Variants in RASSF8 observed in about 807,000 individuals in gnomAD.
The protein encoded by RASSF8 is ras association domain-containing protein 8.
Under a neutral mutation model 48.5 loss-of-function variants are expected in RASSF8, and 22 were observed. That is an observed-to-expected ratio of 0.45 (90% CI 0.32 to 0.65). RASSF8 has a LOEUF of 0.65. RASSF8 is among the 30% of genes least tolerant of loss of function. The pLI, the probability that RASSF8 is intolerant of heterozygous loss-of-function variation, is 0.03. For missense variants in RASSF8, 418 were observed against 489.2 expected, an observed-to-expected ratio of 0.85 and a Z score of 1.37; for synonymous variants, 127 against 171.5, an observed-to-expected ratio of 0.74 and a Z score of 2.03.
chr12:26,078,255 A>C (rs181977159), intron 5 of RASSF8, among the ~76,000 whole-genome samples: 1 of 152,248 alleles, frequency 6.6e-6, no homozygotes, highest in Non-Finnish European at 1.5e-5. Flanking sequence ...ATTAGAATTA[A>C]TGAGAAAAAT....
rs1053037727 is a variant in RASSF8 at position 26,070,439 on chromosome 12, C to G, written c.*1621C>G. The G allele has an allele frequency of 1.0e-6, 1 of 985,152 alleles. No homozygotes were observed. Among genetic ancestry groups the G allele is most frequent in the Admixed American group, 6.2e-5 (1 of 16,242 alleles). 61.0% of individuals were successfully genotyped at this position (985,152 alleles called of 1,614,324 possible). On this transcript the variant is annotated 3_prime_UTR_variant, in exon 6 of 6. Coordinates refer to ENST00000689635, the MANE Select transcript of RASSF8 (RefSeq NM_001394098.1). ...TGCCTTTTCTAGTGCAGCTAAGTGG[C>G]GGACCTCAACTGAAGATATGAGTTT...
intron 2 of RASSF8, among the ~76,000 whole-genome samples, chr12:26,023,612 T>C (rs1251213257): frequency 1.3e-5 from 2 of 152,124 alleles, no homozygotes; most frequent in African/African-American, 4.8e-5. Context: ...AAGGAAGTTA[T>C]TTGGGATAAA....
chr12:25,972,822 G>A (rs1941513312), intron 1 of RASSF8, among the ~76,000 whole-genome samples: 1 of 152,204 alleles, frequency 6.6e-6, no homozygotes, highest in Non-Finnish European at 1.5e-5. Context: ...ACAAATCCAT[G>A]CATCAAGTGC....
At chr12:26,036,089 A>G (rs1487915231) in intron 2 of RASSF8, among the ~76,000 whole-genome samples, 1 of 151,710 alleles carries the variant, frequency 6.6e-6, no homozygotes, top group African/African-American at 2.4e-5. Flanking sequence ...GCTCAAATCC[A>G]TTCAAGAACA....
chr12:26,055,243 C>T lies in RASSF8; in HGVS notation c.-101C>T, dbSNP rs1943576419. ...TTTTTTGCCCTTTTTTAGCTGACTA[C>T]ACAGACTTAGTCTTCTCCACTCCGT... is the stretch of plus-strand genomic sequence containing the variant. On this transcript the variant is annotated 5_prime_UTR_variant, in exon 3 of 6. Coordinates refer to ENST00000689635, the MANE Select transcript of RASSF8 (RefSeq NM_001394098.1). The T allele has an allele frequency of 1.1e-6, 1 of 945,836 alleles. No individual in the cohort carries two copies. Among genetic ancestry groups the T allele is most frequent in the African/African-American group, 1.6e-5 (1 of 62,120 alleles). The allele number at this position is 945,836 out of a possible 1,614,324, so 58.6% of individuals were successfully genotyped here. A position where few individuals can be genotyped will look rare whatever the true frequency, so the allele number is the denominator to read the frequency against.
chr12:25,995,559 C>T (rs1942113421), intron 2 of RASSF8, among the ~76,000 whole-genome samples: 1 of 152,158 alleles, frequency 6.6e-6, no homozygotes, highest in African/African-American at 2.4e-5. Flanking sequence ...ACTAGTTTTT[C>T]AGACTTTTCT....
At chr12:26,040,502 T>A (rs6487525) in intron 2 of RASSF8, among the ~76,000 whole-genome samples, 10,642 of 152,222 alleles carry the variant, frequency 0.07, 758 homozygotes, top group East Asian at 0.27. Context: ...AGGAAATGTT[T>A]TTTCTGACGG....
At chr12:25,974,590 C>G (rs1456271958) in intron 1 of RASSF8, among the ~76,000 whole-genome samples, 1 of 151,722 alleles carries the variant, frequency 6.6e-6, no homozygotes, top group African/African-American at 2.4e-5. Context: ...CCAGCATTTC[C>G]TAATGTAGAA....
chr12:26,023,741 CT>C (rs1565623804), intron 2 of RASSF8, among the ~76,000 whole-genome samples: 1 of 151,604 alleles, frequency 6.6e-6, no homozygotes, highest in African/African-American at 2.4e-5. Flanking sequence ...TGTGTTTGTT[CT>C]TTTTTTATTC....
Position 26,064,636 on chromosome 12 carries a change from G to T in RASSF8, c.242G>T (p.Gly81Val). 2 of 1,614,112 alleles carry T rather than the reference G, an allele frequency of 1.2e-6. No homozygotes were observed. The highest frequency in any genetic ancestry group is 1.7e-6 in the Non-Finnish European group (2 of 1,180,022). Residue 81 changes from glycine to valine, a missense_variant, in exon 4 of 6, where the codon GGG becomes GTG. Transcript: ENST00000689635. ...GTGCAGCTCATTCTACGACGAACTG[G>T]GCCGTCTCTCAGTGAGCGACCCACT... ...SDVQLILRRTGPSLSERPTSD... is the reference protein window; with the variant it reads ...SDVQLILRRTVPSLSERPTSD...
intron 1 of RASSF8, among the ~76,000 whole-genome samples, chr12:25,977,720 C>T (rs1274527049): frequency 2.0e-5 from 3 of 151,636 alleles, no homozygotes; most frequent in African/African-American, 7.3e-5. Context: ...TTGATTTTGC[C>T]AACAGTTACC....
intron 1 of RASSF8, among the ~76,000 whole-genome samples, chr12:25,982,891 A>C (rs1941777369): frequency 6.6e-6 from 1 of 152,256 alleles, no homozygotes; most frequent in South Asian, 2.1e-4. Context: ...GGAGGTTTTC[A>C]GTTCTAATTT....
intron 1 of RASSF8, among the ~76,000 whole-genome samples, chr12:25,970,301 C>T (rs941869100): frequency 6.6e-6 from 1 of 152,200 alleles, no homozygotes. Flanking sequence ...CCCCTGCCCA[C>T]TGAACTATGT....
chr12:25,992,144 A>G (rs1434643128), intron 1 of RASSF8, among the ~76,000 whole-genome samples: 3 of 152,222 alleles, frequency 2.0e-5, no homozygotes, highest in Non-Finnish European at 4.4e-5. Context: ...GAACCACTGT[A>G]CAATCTGCTG....
Position 26,062,265 on chromosome 12 carries a change from G to A in RASSF8, c.104-2233G>A, listed in dbSNP as rs187909381. Among the ~76,000 whole-genome samples, 131 of 152,304 alleles carry A rather than the reference G, an allele frequency of 8.6e-4. No individual in the cohort carries two copies. The Middle Eastern group carries it at 0.024, about 28-fold the overall frequency. On this transcript the variant is annotated intron_variant, in intron 3 of 5. Coordinates refer to ENST00000689635, the MANE Select transcript of RASSF8 (RefSeq NM_001394098.1). ...AGTTTTAACATTGCAGATGTGTCAT[G>A]TGGTTTTTCTTTGGGAGCAATTAGA... is the stretch of plus-strand genomic sequence containing the variant.
intron 2 of RASSF8, among the ~76,000 whole-genome samples, chr12:26,047,915 G>C (rs1231706694): frequency 6.6e-6 from 1 of 152,234 alleles, no homozygotes; most frequent in Non-Finnish European, 1.5e-5. Flanking sequence ...AGCAGGTAGA[G>C]AGAAAGGGAG....
At chr12:26,035,506 TATATA>T (rs1308966498) in intron 2 of RASSF8, among the ~76,000 whole-genome samples, 27 of 139,064 alleles carry the variant, frequency 1.9e-4, no homozygotes, top group Non-Finnish European at 3.6e-4. Flanking sequence ...ATTATATAAT[TATATA>T]ATATAATTAT....
At position 25,958,699 on chromosome 12, in the gene RASSF8, G is replaced by C. The variant is rs1250647694; in HGVS notation, c.-652G>C. On this transcript the variant is annotated 5_prime_UTR_variant, in exon 1 of 6. Transcript: ENST00000689635. ...CCCAGCCCAGAGGCACCGGCCGCGG[G>C]AGCGAGCGGGTCGCCGACTCCTACG... The C allele has an allele frequency of 4.8e-5, 7 of 146,326 alleles. No homozygotes were observed. Among genetic ancestry groups the C allele is most frequent in the Non-Finnish European group, 9.1e-5 (6 of 65,780 alleles). 9.1% of individuals were successfully genotyped at this position (146,326 alleles called of 1,614,324 possible).
At chr12:26,053,932 A>T (rs1943547578) in intron 2 of RASSF8, among the ~76,000 whole-genome samples, 1 of 152,216 alleles carries the variant, frequency 6.6e-6, no homozygotes, top group African/African-American at 2.4e-5. Context: ...AGGTGACCAG[A>T]TGGCCTAGAA....
Sources: gnomAD v4.1 joint callset for allele counts (sites outside exome capture counted in the v4.1 genomes callset) on GRCh38, gnomAD v4.1.1 for gene constraint, MANE v1.5 for transcripts, NCBI Gene and HGNC (gene_info 2026-07-23, HGNC 2026-07-21) for gene names.